ATP8B4: variants seen among roughly 807,000 people sequenced by gnomAD.
ATP8B4 encodes the protein probable phospholipid-transporting ATPase IM.
Under a neutral mutation model 145.6 loss-of-function variants are expected in ATP8B4, and 133 were observed. The observed-to-expected ratio is 0.91, with a 90% CI of 0.79 to 1.05. The LOEUF (loss-of-function observed/expected upper bound fraction) is 1.05. ATP8B4 is among the 50% of genes least tolerant of loss of function. ATP8B4 has a pLI of 0.00. For missense variants in ATP8B4, 1,458 were observed against 1,425.2 expected (o/e 1.02, Z -0.37); for synonymous variants, 507 against 492.9 (o/e 1.03, Z -0.38).
chr15:49,926,692 T>G (rs4544193), intron 16 of ATP8B4, among the ~76,000 whole-genome samples: 83,116 of 151,952 alleles, frequency 0.55, 23,793 homozygotes, highest in African/African-American at 0.64. Context: ...CTGGAACATA[T>G]GGGGAACTTA....
At chr15:50,054,593 C>G (rs542307723) in intron 3 of ATP8B4, among the ~76,000 whole-genome samples, 1 of 151,808 alleles carries the variant, frequency 6.6e-6, no homozygotes, top group African/African-American at 2.4e-5. Flanking sequence ...ATCAGCCTGG[C>G]TAACATGGTG....
chr15:50,102,851 A>G (rs1451452663), intron 2 of ATP8B4, among the ~76,000 whole-genome samples: 4 of 152,072 alleles, frequency 2.6e-5, no homozygotes, highest in African/African-American at 9.7e-5. Flanking sequence ...TCAACAAAAT[A>G]CCAGCTAACC....
At chr15:50,113,157 C>G (rs577806399) in intron 1 of ATP8B4, 1 of 152,410 alleles carries the variant, frequency 6.6e-6, no homozygotes, top group East Asian at 1.9e-4. Flanking sequence ...GGTGACCTTG[C>G]TGTCCCACAG....
intron 12 of ATP8B4, among the ~76,000 whole-genome samples, chr15:49,977,791 T>C (rs976650403): frequency 1.3e-5 from 2 of 152,190 alleles, no homozygotes; most frequent in African/African-American, 4.8e-5. Flanking sequence ...TATATATTTA[T>C]AATGTTATCT....
chr15:49,936,891 C>A (rs980809964), intron 14 of ATP8B4, among the ~76,000 whole-genome samples: 3 of 151,790 alleles, frequency 2.0e-5, no homozygotes, highest in Non-Finnish European at 2.9e-5. Context: ...AATCTTCCAG[C>A]CCTTCTATTG....
chr15:50,055,465 T>C (rs2052527851), intron 3 of ATP8B4, among the ~76,000 whole-genome samples: 1 of 152,208 alleles, frequency 6.6e-6, no homozygotes, highest in African/African-American at 2.4e-5. Context: ...AGCTCAGCAG[T>C]TGTCCAGAGA....
At chr15:50,062,608 G>A (rs1420380178) in intron 3 of ATP8B4, among the ~76,000 whole-genome samples, 5 of 151,996 alleles carry the variant, frequency 3.3e-5, no homozygotes, top group South Asian at 4.1e-4. Flanking sequence ...AAAATAACAT[G>A]AGCTAATATA....
Position 49,961,676 on chromosome 15 carries a change from A to G in ATP8B4, c.1287+301T>C, listed in dbSNP as rs1237974405. On this transcript the variant is annotated intron_variant, in intron 14 of 27. Transcript: ENST00000284509. ...CAAGATATATTGTTGAGAACGCTGA[A>G]GAACATTATGTAAATTATGCTACCA... 3.3e-5 allele frequency among the ~76,000 whole-genome samples: 5 copies of G among 152,228 alleles called. No individual in the cohort carries two copies. The South Asian group carries it at 8.3e-4, about 25-fold the overall frequency.
intron 2 of ATP8B4, among the ~76,000 whole-genome samples, chr15:50,078,301 C>T (rs1395324560): frequency 2.0e-5 from 3 of 151,798 alleles, no homozygotes; most frequent in African/African-American, 7.3e-5. Flanking sequence ...TCACCACAAC[C>T]TCCTGAATAG....
chr15:50,018,561 G>T (rs1217859859), intron 6 of ATP8B4, among the ~76,000 whole-genome samples: 2 of 152,174 alleles, frequency 1.3e-5, no homozygotes, highest in Non-Finnish European at 2.9e-5. Context: ...CAACAATGAA[G>T]AATACCTGCA....
rs550302354 is a variant in ATP8B4 at position 49,945,192 on chromosome 15, T to C, written c.1288-11010A>G. ...AAAACCATGAGGGAAAGAAAAAACATGATGACAGAAATTAAGAGAATCTTA... is the reference window on the plus strand; with the variant it reads ...AAAACCATGAGGGAAAGAAAAAACACGATGACAGAAATTAAGAGAATCTTA... On this transcript the variant is annotated intron_variant, in intron 14 of 27. Coordinates refer to ENST00000284509, the MANE Select transcript of ATP8B4 (RefSeq NM_024837.4). 2.6e-4 allele frequency among the ~76,000 whole-genome samples: 39 copies of C among 152,048 alleles called. 1 individual carries two copies. The South Asian group carries it at 7.9e-3, about 31-fold the overall frequency.
chr15:49,901,848 A>C, intron 20 of ATP8B4: 1 of 419,104 alleles, frequency 2.4e-6, no homozygotes, highest in Non-Finnish European at 4.7e-6. Flanking sequence ...ATTCAGCTTA[A>C]AAAATAGAAT....
At chr15:49,862,457 ATC>A (rs1316161462) in intron 26 of ATP8B4, 82 bp from the exon 27 acceptor site, 9 of 1,445,100 alleles carry the variant, frequency 6.2e-6, no homozygotes, top group Admixed American at 4.1e-5. Context: ...TTCCTACAAG[ATC>A]TTTTTTTTTT....
Position 49,918,836 on chromosome 15 carries a change from T to G in ATP8B4, c.2035+3A>C. On this transcript the variant is annotated splice_donor_region_variant and intron_variant, in intron 19 of 27. Coordinates refer to ENST00000284509, the MANE Select transcript of ATP8B4 (RefSeq NM_024837.4). ...ATATCATCAACATCCATTTTCAAGTTACCTTGTTTGTCTCCTGTTAGGACC... is the reference window on the plus strand; with the variant it reads ...ATATCATCAACATCCATTTTCAAGTGACCTTGTTTGTCTCCTGTTAGGACC... 1 of 1,590,964 alleles carries G rather than the reference T, an allele frequency of 6.3e-7. No individual in the cohort carries two copies. The highest frequency in any genetic ancestry group is 2.2e-5 in the East Asian group (1 of 44,642).
chr15:49,944,227 T>A (rs957549848), intron 14 of ATP8B4, among the ~76,000 whole-genome samples: 6 of 152,158 alleles, frequency 3.9e-5, no homozygotes, highest in Admixed American at 2.0e-4. Flanking sequence ...TAACAATTAC[T>A]TTAAATGTGA....
At chr15:50,134,502 G>A (rs1273051909) in intron 1 of ATP8B4, among the ~76,000 whole-genome samples, 1 of 152,150 alleles carries the variant, frequency 6.6e-6, no homozygotes, top group East Asian at 1.9e-4. Flanking sequence ...CAAAGACAGA[G>A]AAGTCAGAAA....
chr15:49,897,269 A>AAC, intron 23 of ATP8B4, 23 bp downstream of exon 23: 1 of 1,567,588 alleles, frequency 6.4e-7, no homozygotes, highest in South Asian at 1.1e-5. Context: ...CAAACAAACA[A>AAC]AAAAAAACAT....
chr15:50,053,959 G>T (rs558264374), intron 3 of ATP8B4, among the ~76,000 whole-genome samples: 1 of 152,084 alleles, frequency 6.6e-6, no homozygotes, highest in Non-Finnish European at 1.5e-5. Context: ...TTTTCCACTG[G>T]CAAAATGGAA....
chr15:50,163,837 A>T (rs2044555907), intron 1 of ATP8B4, among the ~76,000 whole-genome samples: 1 of 152,156 alleles, frequency 6.6e-6, no homozygotes, highest in Non-Finnish European at 1.5e-5. Context: ...CTGGCACCCA[A>T]GCTGCAAGAC....
Sources: allele counts gnomAD v4.1 joint callset (sites outside exome capture counted in the v4.1 genomes callset), GRCh38; gene constraint gnomAD v4.1.1; transcripts MANE v1.5; gene names NCBI Gene and HGNC (gene_info 2026-07-23, HGNC 2026-07-21).